The following AKAP6 variants were observed in gnomAD, a reference collection of about 807,000 sequenced individuals.
AKAP6 encodes A-kinase anchor protein 6.
AKAP6 carries 58 observed loss-of-function variants against 188.5 expected under a neutral mutation model. The observed-to-expected ratio is 0.31, with a 90% confidence interval of 0.25 to 0.38. The LOEUF is 0.38. AKAP6 is among the 10% of genes least tolerant of loss of function. AKAP6 has a pLI of 1.00. For missense variants in AKAP6, 2,710 were observed against 2,740.0 expected (o/e 0.99, Z 0.24); for synonymous variants, 989 against 998.6 (o/e 0.99, Z 0.18).
At chr14:32,654,958 A>G (rs551186572) in intron 7 of AKAP6, among the ~76,000 whole-genome samples, 3 of 152,350 alleles carry the variant, frequency 2.0e-5, no homozygotes, top group East Asian at 3.9e-4. Context: ...TAATGTTTGC[A>G]GAATTTGCAA....
At chr14:32,774,644 G>T (rs1012584464) in intron 12 of AKAP6, among the ~76,000 whole-genome samples, 1 of 152,150 alleles carries the variant, frequency 6.6e-6, no homozygotes, top group Non-Finnish European at 1.5e-5. Flanking sequence ...CTTTAGGAAA[G>T]AATTTATCGA....
intron 11 of AKAP6, among the ~76,000 whole-genome samples, chr14:32,772,843 AATC>A (rs1462644561): frequency 6.6e-6 from 1 of 152,240 alleles, no homozygotes; most frequent in African/African-American, 2.4e-5. Context: ...TTGTGGATAT[AATC>A]ATCATTTCTC....
In AKAP6 at chr14:32,458,657, A is replaced by G. The variant is rs1165438342; in HGVS notation, c.324+24840A>G. 2.6e-5 allele frequency among the ~76,000 whole-genome samples: 4 copies of G among 152,124 alleles called. No homozygotes were observed. In the East Asian group the frequency reaches 7.7e-4, roughly 29 times the overall value. On this transcript the variant is annotated intron_variant, in intron 2 of 13. Coordinates refer to ENST00000280979, the MANE Select transcript of AKAP6 (RefSeq NM_004274.5). ...AGACAATAAAAGCATGCCAGAAATAAATGCCCACAAAATAAATGAAAATGA... is the reference window on the plus strand; with the variant it reads ...AGACAATAAAAGCATGCCAGAAATAGATGCCCACAAAATAAATGAAAATGA...
intron 1 of AKAP6, among the ~76,000 whole-genome samples, chr14:32,379,350 G>C (rs983997314): frequency 3.9e-5 from 6 of 152,190 alleles, no homozygotes; most frequent in Non-Finnish European, 7.3e-5. Flanking sequence ...CTTTGCTGCT[G>C]TCAACCGTCC....
intron 9 of AKAP6, 111 bp from the exon 10 acceptor site, chr14:32,732,343 T>TA: frequency 8.0e-7 from 1 of 1,250,342 alleles, no homozygotes; most frequent in South Asian, 1.5e-5. Context: ...CCATAAATTT[T>TA]ATTGGGAACA....
At chr14:32,745,574 C>G (rs1432186107) in intron 11 of AKAP6, among the ~76,000 whole-genome samples, 1 of 151,966 alleles carries the variant, frequency 6.6e-6, no homozygotes, top group Non-Finnish European at 1.5e-5. Flanking sequence ...GTGACACAAG[C>G]ATCCCTATGG....
chr14:32,490,278 G>A (rs893719872), intron 2 of AKAP6, among the ~76,000 whole-genome samples: 65 of 152,050 alleles, frequency 4.3e-4, no homozygotes, highest in African/African-American at 1.3e-3. Flanking sequence ...GGCTTAGCTC[G>A]GGCTCAGAGG....
At chr14:32,651,749 G>T (rs1888237107) in intron 7 of AKAP6, among the ~76,000 whole-genome samples, 1 of 152,136 alleles carries the variant, frequency 6.6e-6, no homozygotes, top group African/African-American at 2.4e-5. Flanking sequence ...TGTTGCATTG[G>T]GGAGTAAGTT....
rs1025794087 is a variant in AKAP6, at chr14:32,813,391, C to A, written c.3589-8011C>A. The stretch of plus-strand genomic sequence containing the variant: ...TTACAGTTTTCATCTCTAACCCTAC[C>A]CCCCCCCCCAACCCCTTTCCCAGAG... On this transcript the variant is annotated intron_variant, in intron 12 of 13. Transcript: ENST00000280979. Among the ~76,000 whole-genome samples, 8 of 102,940 alleles carry A rather than the reference C, an allele frequency of 7.8e-5. 1 individual carries two copies. The highest frequency in any genetic ancestry group is 7.9e-3 in the Middle Eastern group (2 of 254). 67.5% of individuals were successfully genotyped at this position (102,940 alleles called of 152,430 possible).
chr14:32,422,158 G>T (rs556206685), intron 1 of AKAP6, among the ~76,000 whole-genome samples: 2 of 152,228 alleles, frequency 1.3e-5, no homozygotes, highest in South Asian at 4.2e-4. Context: ...ACATATGATT[G>T]TCTCTTTATC....
At chr14:32,800,676 T>A (rs1283603940) in intron 12 of AKAP6, among the ~76,000 whole-genome samples, 1 of 143,326 alleles carries the variant, frequency 7.0e-6, no homozygotes, top group Non-Finnish European at 1.6e-5. Context: ...TGCTATCTTT[T>A]TCTTCATCTC....
intron 1 of AKAP6, among the ~76,000 whole-genome samples, chr14:32,337,675 ACTCGTCATTTAG>A: frequency 6.6e-6 from 1 of 151,406 alleles, no homozygotes; most frequent in Non-Finnish European, 1.5e-5. Flanking sequence ...GCACCCATTA[ACTCGTCATTTAG>A]CATTAGGTAT....
chr14:32,575,415 T>A (rs1045632903), intron 4 of AKAP6, among the ~76,000 whole-genome samples: 1 of 152,126 alleles, frequency 6.6e-6, no homozygotes, highest in Non-Finnish European at 1.5e-5. Context: ...TATTTTCACC[T>A]CACCTGGAAG....
chr14:32,803,734 A>G (rs1390782021), intron 12 of AKAP6, among the ~76,000 whole-genome samples: 1 of 152,226 alleles, frequency 6.6e-6, no homozygotes, highest in Non-Finnish European at 1.5e-5. Context: ...CATAACTTCA[A>G]GAACTACTCA....
At chr14:32,799,593 T>C (rs2033876139) in intron 12 of AKAP6, among the ~76,000 whole-genome samples, 1 of 152,214 alleles carries the variant, frequency 6.6e-6, no homozygotes. Context: ...ATGTGTTGTT[T>C]ATTTCTCAAT....
chr14:32,554,526 A>T (rs1170560608), intron 4 of AKAP6, among the ~76,000 whole-genome samples: 1 of 152,180 alleles, frequency 6.6e-6, no homozygotes, highest in African/African-American at 2.4e-5. Flanking sequence ...TCCAGCTGGG[A>T]TGCCAGAGCT....
intron 8 of AKAP6, 128 bp from the exon 9 acceptor site, chr14:32,695,862 A>T: frequency 1.7e-6 from 2 of 1,190,760 alleles, no homozygotes; most frequent in Non-Finnish European, 2.3e-6. Flanking sequence ...ACAACATAGA[A>T]ATTTTCTCTT....
chr14:32,594,725 T>A (rs1885622237), intron 5 of AKAP6, among the ~76,000 whole-genome samples: 1 of 152,234 alleles, frequency 6.6e-6, no homozygotes, highest in South Asian at 2.1e-4. Context: ...GCTTGGCTTT[T>A]CTGACTGAAC....
At chr14:32,540,699 G>A (rs1217654193) in intron 3 of AKAP6, among the ~76,000 whole-genome samples, 8 of 152,160 alleles carry the variant, frequency 5.3e-5, no homozygotes, top group Non-Finnish European at 8.8e-5. Context: ...CTGGGAAGAT[G>A]ATGTGGAGGG....
Sources: gnomAD v4.1 joint callset for allele counts (sites outside exome capture counted in the v4.1 genomes callset) on GRCh38, gnomAD v4.1.1 for gene constraint, MANE v1.5 for transcripts, NCBI Gene and HGNC (gene_info 2026-07-23, HGNC 2026-07-21) for gene names.